Variants in OTUD7A observed in about 807,000 individuals in gnomAD.
The protein encoded by OTUD7A is OTU domain-containing protein 7A.
OTUD7A carries 12 observed loss-of-function variants against 65.7 expected under a neutral mutation model. The observed-to-expected ratio is 0.18, with a 90% CI of 0.12 to 0.30. The LOEUF (loss-of-function observed/expected upper bound fraction) is 0.30. Among genes scored for constraint, OTUD7A ranks in the 10% least tolerant of loss-of-function variants. OTUD7A has a pLI of 1.00. For missense variants in OTUD7A, 1,148 were observed against 1,304.8 expected (o/e 0.88, Z 1.85); for synonymous variants, 641 against 586.3 (o/e 1.09, Z -1.35).
chr15:31,492,022 T>C (rs986361464), intron 10 of OTUD7A, among the ~76,000 whole-genome samples: 2 of 152,188 alleles, frequency 1.3e-5, no homozygotes, highest in African/African-American at 2.4e-5. Context: ...GCAAGAAATA[T>C]GGTACCAGTA....
chr15:31,811,297 G>C (rs1896408009), intron 1 of OTUD7A, among the ~76,000 whole-genome samples: 1 of 151,926 alleles, frequency 6.6e-6, no homozygotes, highest in African/African-American at 2.4e-5. Flanking sequence ...TGGTTGATTT[G>C]ATGTGTGTGT....
Position 31,573,315 on chromosome 15 carries a change from G to A in OTUD7A, c.152-3118C>T, listed in dbSNP as rs569440723. Among the ~76,000 whole-genome samples, 11 of 152,190 alleles carry A rather than the reference G, an allele frequency of 7.2e-5. No homozygotes were observed. In the East Asian group the frequency reaches 1.2e-3, roughly 16 times the overall value. On this transcript the variant is annotated intron_variant, in intron 3 of 12. Transcript: ENST00000307050. ...AGACAAACCATTTTAAACATGAATC[G>A]TTCAGAAAACATTTCTCAAATGGAC...
At chr15:31,683,403 GT>G (rs1437420811) in intron 1 of OTUD7A, among the ~76,000 whole-genome samples, 6 of 152,052 alleles carry the variant, frequency 3.9e-5, no homozygotes, top group African/African-American at 9.7e-5. Flanking sequence ...TTCTTCTTTA[GT>G]TTCTTGGGTT....
At chr15:31,551,074 G>A (rs913213629) in intron 5 of OTUD7A, among the ~76,000 whole-genome samples, 3 of 151,810 alleles carry the variant, frequency 2.0e-5, no homozygotes, top group Non-Finnish European at 2.9e-5. Context: ...AGGCTTAGTG[G>A]TTTGATGTAA....
chr15:31,537,375 A>G (rs2125622), intron 5 of OTUD7A, among the ~76,000 whole-genome samples: 1 of 152,230 alleles, frequency 6.6e-6, no homozygotes, highest in Non-Finnish European at 1.5e-5. Context: ...TTAACACTAC[A>G]AAGTTAAGTA....
At chr15:31,697,213 A>C in intron 1 of OTUD7A, among the ~76,000 whole-genome samples, 2 of 96,070 alleles carry the variant, frequency 2.1e-5, no homozygotes, top group African/African-American at 3.1e-5. Flanking sequence ...TCCCGAGTGG[A>C]CTCCTCCCCT....
intron 3 of OTUD7A, among the ~76,000 whole-genome samples, chr15:31,636,996 A>C (rs1309386950): frequency 6.6e-6 from 1 of 152,218 alleles, no homozygotes; most frequent in Non-Finnish European, 1.5e-5. Flanking sequence ...ATGTTATTGC[A>C]CTGGGGAAGT....
At chr15:31,824,397 CTG>C (rs1896753096) in intron 1 of OTUD7A, among the ~76,000 whole-genome samples, 17 of 152,148 alleles carry the variant, frequency 1.1e-4, no homozygotes, top group Non-Finnish European at 2.4e-4. Context: ...CCACAACACA[CTG>C]AGCATTCGGC....
At chr15:31,570,320 G>T in intron 3 of OTUD7A, 123 bp from the exon 4 acceptor site, 1 of 1,172,926 alleles carries the variant, frequency 8.5e-7, no homozygotes, top group Non-Finnish European at 1.2e-6. Context: ...TTTACCAGTA[G>T]TTCTTGTTTT....
chr15:31,574,722 A>G (rs976777587), intron 3 of OTUD7A, among the ~76,000 whole-genome samples: 1 of 152,118 alleles, frequency 6.6e-6, no homozygotes, highest in Non-Finnish European at 1.5e-5. Flanking sequence ...GACCTGGGAG[A>G]AGCTGCATCT....
chr15:31,731,285 A>T (rs1444874208), intron 1 of OTUD7A, among the ~76,000 whole-genome samples: 2 of 152,236 alleles, frequency 1.3e-5, no homozygotes, highest in Non-Finnish European at 2.9e-5. Flanking sequence ...TTTACAGCAG[A>T]TTTATTCATA....
At chr15:31,530,482 A>G (rs1321627506) in intron 6 of OTUD7A, among the ~76,000 whole-genome samples, 1 of 152,034 alleles carries the variant, frequency 6.6e-6, no homozygotes, top group African/African-American at 2.4e-5. Flanking sequence ...TCCTTCTATC[A>G]CGCCAGGTCT....
intron 3 of OTUD7A, among the ~76,000 whole-genome samples, chr15:31,575,259 T>C (rs1367515318): frequency 2.0e-5 from 3 of 152,212 alleles, no homozygotes; most frequent in Admixed American, 2.0e-4. Flanking sequence ...TGGTATGTTG[T>C]ACACCCTGCT....
chr15:31,693,999 T>TA (rs1893017950), intron 1 of OTUD7A, among the ~76,000 whole-genome samples: 1 of 151,976 alleles, frequency 6.6e-6, no homozygotes, highest in Non-Finnish European at 1.5e-5. Flanking sequence ...AAAGTAAAAA[T>TA]ACAAGGCACT....
At chr15:31,728,056 T>C (rs775169010) in intron 1 of OTUD7A, among the ~76,000 whole-genome samples, 1 of 152,230 alleles carries the variant, frequency 6.6e-6, no homozygotes, top group Non-Finnish European at 1.5e-5. Context: ...GTTTTGTACA[T>C]CTGACCACTT....
At chr15:31,518,075 G>T (rs1412045443) in intron 8 of OTUD7A, among the ~76,000 whole-genome samples, 1 of 152,106 alleles carries the variant, frequency 6.6e-6, no homozygotes, top group East Asian at 1.9e-4. Flanking sequence ...CAAGTGGTTA[G>T]TGCCCACTTT....
chr15:31,523,276 G>A (rs1456794173), intron 8 of OTUD7A, among the ~76,000 whole-genome samples: 3 of 152,220 alleles, frequency 2.0e-5, no homozygotes, highest in Non-Finnish European at 4.4e-5. Context: ...CTGTGGGGCC[G>A]GCACAGGCAG....
chr15:31,644,074 C>T (rs1483173683), intron 3 of OTUD7A, among the ~76,000 whole-genome samples: 1 of 151,948 alleles, frequency 6.6e-6, no homozygotes, highest in Non-Finnish European at 1.5e-5. Context: ...AGGAAAGCAA[C>T]GTGGAGTAGC....
At chr15:31,560,813 C>A (rs1350142455) in intron 4 of OTUD7A, among the ~76,000 whole-genome samples, 3 of 152,354 alleles carry the variant, frequency 2.0e-5, no homozygotes, top group East Asian at 1.9e-4. Flanking sequence ...TGTGCTCCTG[C>A]AATGCCCCTC....
Sources: gnomAD v4.1 joint callset for allele counts (sites outside exome capture counted in the v4.1 genomes callset) on GRCh38, gnomAD v4.1.1 for gene constraint, MANE v1.5 for transcripts, NCBI Gene and HGNC (gene_info 2026-07-23, HGNC 2026-07-21) for gene names.